AKT3: variants seen among roughly 807,000 people sequenced by gnomAD.
AKT3 encodes RAC-gamma serine/threonine-protein kinase.
AKT3 carries 15 observed loss-of-function variants against 65.3 expected under a neutral mutation model. That is an observed-to-expected ratio of 0.23 (90% CI 0.15 to 0.35). AKT3 has a LOEUF of 0.35. Among genes scored for constraint, AKT3 ranks in the 10% least tolerant of loss-of-function variants. AKT3 has a pLI of 1.00. For synonymous variants in AKT3, 206 were observed against 183.8 expected, an observed-to-expected ratio of 1.12 and a Z score of -0.98; for missense variants, 243 against 576.5, an observed-to-expected ratio of 0.42 and a Z score of 5.92.
chr1:243,743,088 G>C (rs1374046815), intron 2 of AKT3, among the ~76,000 whole-genome samples: 1 of 152,070 alleles, frequency 6.6e-6, no homozygotes, highest in Non-Finnish European at 1.5e-5. Flanking sequence ...AGATCCAAAG[G>C]AAGTGCACGG....
intron 12 of AKT3, among the ~76,000 whole-genome samples, chr1:243,535,974 G>C (rs1671897752): frequency 6.6e-6 from 1 of 152,092 alleles, no homozygotes; most frequent in African/African-American, 2.4e-5. Context: ...CTGATGATTT[G>C]TGATGTTGAA....
intron 8 of AKT3, among the ~76,000 whole-genome samples, chr1:243,597,062 G>A (rs529118035): frequency 9.2e-5 from 14 of 152,202 alleles, no homozygotes; most frequent in African/African-American, 3.4e-4. Context: ...TATGGGTACA[G>A]GGAAGACTGA....
intron 13 of AKT3, among the ~76,000 whole-genome samples, chr1:243,506,434 G>A (rs1434750534): frequency 6.6e-6 from 1 of 152,198 alleles, no homozygotes; most frequent in Non-Finnish European, 1.5e-5. Context: ...GGGAGCATCC[G>A]CTGGATGTGG....
chr1:243,779,402 C>T (rs1423050799), intron 2 of AKT3, among the ~76,000 whole-genome samples: 2 of 151,986 alleles, frequency 1.3e-5, no homozygotes, highest in Non-Finnish European at 2.9e-5. Context: ...AAAGAGAATC[C>T]TAGGGAACTC....
chr1:243,651,716 C>T (rs1244640342), intron 4 of AKT3, among the ~76,000 whole-genome samples: 3 of 152,078 alleles, frequency 2.0e-5, no homozygotes, highest in Admixed American at 6.6e-5. Context: ...GTGTATGTTG[C>T]ACCAGCCTTG....
At chr1:243,581,892 A>C (rs935388256) in intron 8 of AKT3, among the ~76,000 whole-genome samples, 1 of 152,070 alleles carries the variant, frequency 6.6e-6, no homozygotes, top group Non-Finnish European at 1.5e-5. Context: ...TCTTTAAGAG[A>C]AATCAATCAG....
intron 2 of AKT3, among the ~76,000 whole-genome samples, chr1:243,830,531 CAG>C (rs1050722815): frequency 6.6e-6 from 1 of 152,218 alleles, no homozygotes; most frequent in African/African-American, 2.4e-5. Context: ...AACTGGAAAA[CAG>C]AACTTGTTTT....
intron 1 of AKT3, chr1:243,843,542 A>G (rs1275073263): frequency 1.9e-6 from 2 of 1,058,044 alleles, no homozygotes; most frequent in Middle Eastern, 4.2e-4. Flanking sequence ...AGTCACGCCT[A>G]CCCAAATAAT....
At chr1:243,566,347 A>C (rs1262886613) in intron 9 of AKT3, among the ~76,000 whole-genome samples, 4 of 152,188 alleles carry the variant, frequency 2.6e-5, no homozygotes, top group African/African-American at 9.7e-5. Context: ...ACCAACTCCC[A>C]GTTTGCCCAG....
intron 4 of AKT3, 137 bp from the exon 5 acceptor site, chr1:243,646,174 C>T (rs550552684): frequency 1.7e-6 from 1 of 605,282 alleles, no homozygotes; most frequent in South Asian, 3.7e-5. Context: ...AGCATACACT[C>T]TCACCATCAC....
At chr1:243,597,146 G>A (rs1224991787) in intron 8 of AKT3, among the ~76,000 whole-genome samples, 1 of 151,998 alleles carries the variant, frequency 6.6e-6, no homozygotes, top group African/African-American at 2.4e-5. Flanking sequence ...GGGGCTACAT[G>A]CATATATATG....
chr1:243,577,842 G>C (rs537444281), intron 8 of AKT3, among the ~76,000 whole-genome samples: 4 of 150,688 alleles, frequency 2.7e-5, no homozygotes, highest in African/African-American at 9.7e-5. Context: ...AAATTTACAA[G>C]AAAAAAAAAT....
intron 2 of AKT3, among the ~76,000 whole-genome samples, chr1:243,785,235 AT>A (rs757049231): frequency 0.02 from 2,837 of 138,790 alleles, 45 homozygotes; most frequent in African/African-American, 0.045. Context: ...TGCCCAGCTA[AT>A]TTTTTTTTTT....
In AKT3 at chr1:243,710,549, A is replaced by C. The variant is rs140702831; in HGVS notation, c.47-14833T>G. The stretch of plus-strand genomic sequence containing the variant: ...CCTATGAAAGACTCTTAAATACTAA[A>C]TTAGGTGGCTCTCCCAGGTACAACA... On this transcript the variant is annotated intron_variant, in intron 2 of 13. Transcript: ENST00000673466. Among the ~76,000 whole-genome samples, 334 of 152,330 alleles carry C rather than the reference A, an allele frequency of 2.2e-3. 3 individuals carry two copies. Among genetic ancestry groups the C allele is most frequent in the Admixed American group, 9.2e-3 (141 of 15,298 alleles).
At chr1:243,552,651 TTA>T (rs1673162629) in intron 11 of AKT3, 76 bp downstream of exon 11, 5 of 1,310,228 alleles carry the variant, frequency 3.8e-6, no homozygotes, top group Non-Finnish European at 5.5e-6. Flanking sequence ...TTGGAGTTAG[TTA>T]TATTTGAATT....
chr1:243,636,671 G>A (rs531763069), intron 6 of AKT3, among the ~76,000 whole-genome samples: 8 of 152,130 alleles, frequency 5.3e-5, no homozygotes, highest in Admixed American at 3.9e-4. Context: ...ACTGTGATAA[G>A]CAAATATGTG....
intron 11 of AKT3, chr1:243,546,752 A>G (rs1574581390): frequency 6.6e-6 from 1 of 152,312 alleles, no homozygotes; most frequent in East Asian, 1.9e-4. Context: ...CAAAACACAA[A>G]ATTTACAAAG....
rs566980867 is a variant in AKT3, at chr1:243,526,528, C to G, written c.1252-14102G>C. On this transcript the variant is annotated intron_variant, in intron 12 of 13. Transcript: ENST00000673466. ...GAGAATCTTAAATAGCAAAAGGAATCCTGGGAAAGGTGGCTCAGTCTAGTC... is the reference window on the plus strand; with the variant it reads ...GAGAATCTTAAATAGCAAAAGGAATGCTGGGAAAGGTGGCTCAGTCTAGTC... Among the ~76,000 whole-genome samples the G allele has an allele frequency of 1.1e-4, 16 of 152,046 alleles. No individual in the cohort carries two copies. The East Asian group carries it at 2.9e-3, about 28-fold the overall frequency.
rs1680169341 is a variant in AKT3 at position 243,638,856 on chromosome 1, GT to G, written c.430-1115del. Among the ~76,000 whole-genome samples, 3 of 151,392 alleles carry G rather than the reference GT, an allele frequency of 2.0e-5. No homozygotes were observed. The South Asian group carries it at 6.3e-4, about 32-fold the overall frequency. ...AAAAAAAGCAAGTTAACCCAAAAGA[GT>G]TAGAAGAAAATGATACAGATCAGAG... On this transcript the variant is annotated intron_variant, in intron 5 of 13. Transcript: ENST00000673466.
Sources: allele counts gnomAD v4.1 joint callset (sites outside exome capture counted in the v4.1 genomes callset), GRCh38; gene constraint gnomAD v4.1.1; transcripts MANE v1.5; gene names NCBI Gene and HGNC (gene_info 2026-07-23, HGNC 2026-07-21).